Variants in ADGRD2 observed in about 807,000 individuals in gnomAD.
ADGRD2 encodes the protein adhesion G protein-coupled receptor D2, also known as G protein-coupled receptor PGR24.
A neutral mutation model predicts 44.4 loss-of-function variants in ADGRD2; 71 were observed. The ratio of observed to expected loss-of-function variants is 1.60; its 90% CI spans 1.32 to 1.95. ADGRD2 has a LOEUF of 1.95. Among genes scored for constraint, ADGRD2 ranks in the 30% most tolerant of loss-of-function variants. ADGRD2 has a pLI of 0.00. For synonymous variants in ADGRD2, 481 were observed against 224.8 expected, an observed-to-expected ratio of 2.14 and a Z score of -10.19; for missense variants, 1,039 against 512.4, an observed-to-expected ratio of 2.03 and a Z score of -9.92.
chr9:124,453,900 C>G, intron 3 of ADGRD2, 99 bp from the exon 7 acceptor site: 1 of 598,908 alleles, frequency 1.7e-6, no homozygotes, highest in Non-Finnish European at 3.0e-6. Flanking sequence ...CAACAGTGTC[C>G]CTCTCTCAGG....
In ADGRD2 at chr9:124,454,399, G is replaced by A. The variant is rs561408765; in HGVS notation, c.1023-85G>A. The A allele has an allele frequency of 9.6e-5, 64 of 665,938 alleles. No individual in the cohort carries two copies. The African/African-American group carries it at 9.7e-4, about 10-fold the overall frequency. 41.3% of individuals were successfully genotyped at this position (665,938 alleles called of 1,614,324 possible). A position where few individuals can be genotyped will look rare whatever the true frequency, so the allele number is the denominator to read the frequency against. ...GTGCTCTTCCTTCCCTGGGCAGCAC[G>A]TGGTGGGTGGAGGTCACTGAACAGG... On this transcript the variant is annotated intron_variant, in intron 4 of 21. Coordinates refer to ENST00000334810, the Ensembl canonical transcript of ADGRD2. The surrounding 1 kb of genome is among the most constrained non-coding windows in gnomAD (Gnocchi z 4.5).
At chr9:124,459,836 C>T (rs1468198620) in intron 10 of ADGRD2, among the ~76,000 whole-genome samples, 1 of 152,000 alleles carries the variant, frequency 6.6e-6, no homozygotes, top group East Asian at 1.9e-4. Flanking sequence ...ACTTGAGCCT[C>T]AGCAGGTTTT....
chr9:124,476,784 T>C (rs1832056749), intron 21 of ADGRD2, 75 bp downstream of exon 24: 1 of 672,542 alleles, frequency 1.5e-6, no homozygotes, highest in South Asian at 1.6e-5. Flanking sequence ...CGTACCAGGA[T>C]GGAAGTGATT....
chr9:124,458,268 G>A (rs1477213277), intron 9 of ADGRD2, 32 bp downstream of exon 12: 3 of 716,948 alleles, frequency 4.2e-6, no homozygotes, highest in East Asian at 2.7e-5. Flanking sequence ...GGCTGTGAGG[G>A]CCTGTGTCCC....
intron 10 of ADGRD2, among the ~76,000 whole-genome samples, chr9:124,459,986 A>C (rs1371940375): frequency 1.3e-5 from 2 of 152,058 alleles, no homozygotes; most frequent in Non-Finnish European, 2.9e-5. Context: ...GATATGTTAA[A>C]TTTCATTTCA....
intron 10 of ADGRD2, 198 bp from the exon 14 acceptor site, chr9:124,466,060 G>T (rs1458393724): frequency 2.4e-6 from 1 of 408,482 alleles, no homozygotes. Flanking sequence ...CAGTCACTGG[G>T]ATCAGCCCTG....
chr9:124,466,247 CT>C lies in ADGRD2; in HGVS notation c.1871-9del. ...TCTGGCCCCTCACCCCCTTGTCCAC[CT>C]TATCTCAAGAGCCCCCTGTTCCCTC... On this transcript the variant is annotated splice_polypyrimidine_tract_variant and intron_variant, in intron 10 of 21. Transcript: ENST00000334810. 1.6e-6 allele frequency: 1 copy of C among 618,786 alleles called. No individual in the cohort carries two copies. The highest frequency in any genetic ancestry group is 2.4e-5 in the Admixed American group (1 of 41,674). The allele number at this position is 618,786 out of a possible 1,614,324, so 38.3% of individuals were successfully genotyped here. A position where few individuals can be genotyped will look rare whatever the true frequency, so the allele number is the denominator to read the frequency against.
At position 124,458,488 on chromosome 9, in the gene ADGRD2, C is replaced by T. The variant is rs141730884; in HGVS notation, c.1765-128C>T. ...CCCTAAGGCAAGACTGAACCAGGTG[C>T]CACAATTCCTGATATCCCTTCGGAC... is the stretch of plus-strand genomic sequence containing the variant. On this transcript the variant is annotated intron_variant, in intron 9 of 21. Coordinates refer to ENST00000334810, the Ensembl canonical transcript of ADGRD2. The T allele has an allele frequency of 5.5e-5, 35 of 631,104 alleles. No individual in the cohort carries two copies. In the African/African-American group the frequency reaches 6.2e-4, roughly 11 times the overall value. The allele number at this position is 631,104 out of a possible 1,614,324, so 39.1% of individuals were successfully genotyped here.
At position 124,477,250 on chromosome 9, in the gene ADGRD2, C is replaced by T. The variant is rs971091834; in HGVS notation, c.*18+541C>T. The T allele has an allele frequency of 8.9e-5, 32 of 358,950 alleles. 1 individual carries two copies. Among genetic ancestry groups the T allele is most frequent in the Admixed American group, 8.1e-4 (22 of 27,038 alleles). The allele number at this position is 358,950 out of a possible 1,614,324, so 22.2% of individuals were successfully genotyped here. ...GTGGGAGGGTGAGGACACCCCAGCT[C>T]CGGCTCAGGGAGAGGACTGAAGCCT... is the stretch of plus-strand genomic sequence containing the variant. On this transcript the variant is annotated intron_variant, in intron 21 of 21. Transcript: ENST00000334810.
At chr9:124,464,920 G>A (rs927998077) in intron 10 of ADGRD2, among the ~76,000 whole-genome samples, 4 of 152,208 alleles carry the variant, frequency 2.6e-5, no homozygotes, top group African/African-American at 7.2e-5. Context: ...AAAGTATCAC[G>A]GAGATCTTTC....
At chr9:124,462,308 A>G (rs553954449) in intron 10 of ADGRD2, among the ~76,000 whole-genome samples, 2 of 152,060 alleles carry the variant, frequency 1.3e-5, no homozygotes, top group African/African-American at 4.8e-5. Flanking sequence ...GACTCAAGCA[A>G]TCCACCTGCC....
chr9:124,469,974 A>C (rs1831915341), intron 16 of ADGRD2, among the ~76,000 whole-genome samples: 1 of 152,140 alleles, frequency 6.6e-6, no homozygotes, highest in Non-Finnish European at 1.5e-5. Flanking sequence ...GTTCCTGCCA[A>C]AGACCCGCAT....
At chr9:124,453,303 C>T in exon 3 of ADGRD2, 2 of 484,450 alleles carry the variant, frequency 4.1e-6, no homozygotes, top group Non-Finnish European at 7.2e-6. Context: ...TCGCAGCCTT[C>T]CGCGCCGACG....
At chr9:124,455,628 T>A (rs1170256466) in intron 6 of ADGRD2, among the ~76,000 whole-genome samples, 1 of 151,560 alleles carries the variant, frequency 6.6e-6, no homozygotes, top group Non-Finnish European at 1.5e-5. Flanking sequence ...ATAGCTTCTG[T>A]AGTTAAATGA....
At position 124,476,446 on chromosome 9, in the gene ADGRD2, G is replaced by A. The variant is rs1048859445; in HGVS notation, c.2904+31G>A. 6 of 695,774 alleles carry A rather than the reference G, an allele frequency of 8.6e-6. No individual in the cohort carries two copies. The African/African-American group carries it at 8.8e-5, about 10-fold the overall frequency. The allele number at this position is 695,774 out of a possible 1,614,324, so 43.1% of individuals were successfully genotyped here. A position where few individuals can be genotyped will look rare whatever the true frequency, so the allele number is the denominator to read the frequency against. On this transcript the variant is annotated intron_variant, in intron 20 of 21. Transcript: ENST00000334810. ...GCTGGGACAGGGTGGGCCGCACAGG[G>A]CTCTGCCAGGGGGCTGGCAAAGCCA... is the stretch of plus-strand genomic sequence containing the variant.
At chr9:124,477,760 C>T (rs570535530) in intron 21 of ADGRD2, among the ~76,000 whole-genome samples, 1 of 152,110 alleles carries the variant, frequency 6.6e-6, no homozygotes, top group Non-Finnish European at 1.5e-5. Context: ...AGGCGCCCCC[C>T]ACAGGCCCGC....
At chr9:124,461,935 C>G (rs565188667) in intron 10 of ADGRD2, among the ~76,000 whole-genome samples, 1 of 151,952 alleles carries the variant, frequency 6.6e-6, no homozygotes, top group Non-Finnish European at 1.5e-5. Context: ...TTAGTAGAGA[C>G]GGGGTTTCAC....
At chr9:124,456,651 G>A (rs763607866) in exon 7 of ADGRD2, 16 of 717,862 alleles carry the variant, frequency 2.2e-5, no homozygotes, top group East Asian at 1.6e-4. Context: ...CCCTGGTGGC[G>A]AGTGTGCAGC....
At chr9:124,471,639 C>T (rs909461790) in intron 17 of ADGRD2, among the ~76,000 whole-genome samples, 3 of 152,108 alleles carry the variant, frequency 2.0e-5, no homozygotes, top group Admixed American at 6.5e-5. Context: ...CCAGAGTCTG[C>T]GTTCTCAGCC....
Sources: gnomAD v4.1 joint callset for allele counts (sites outside exome capture counted in the v4.1 genomes callset) on GRCh38, gnomAD v4.1.1 for gene constraint, Gnocchi (gnomAD v3.1) non-coding constraint, MANE v1.5 for transcripts, NCBI Gene and HGNC (gene_info 2026-07-23, HGNC 2026-07-21) for gene names.